The following CNOT8 variants were observed in gnomAD, a reference collection of about 807,000 sequenced individuals.
The protein encoded by CNOT8 is CCR4-NOT transcription complex subunit 8.
In CNOT8, 18 loss-of-function variants were observed where a neutral mutation model predicts 34.6. The observed-to-expected ratio is 0.52, with a 90% CI of 0.36 to 0.77. The LOEUF (loss-of-function observed/expected upper bound fraction) is 0.77, where lower values mean the gene tolerates loss of function less well. Ranked by LOEUF, CNOT8 falls within the 30% of genes least tolerant of loss-of-function variation. CNOT8 has a pLI of 0.00. For synonymous variants in CNOT8, 101 were observed against 118.8 expected (o/e 0.85, Z 0.98); for missense variants, 189 against 347.9 (o/e 0.54, Z 3.63).
At chr5:154,867,674 CT>C in intron 3 of CNOT8, 3 of 271,916 alleles carry the variant, frequency 1.1e-5, no homozygotes, top group South Asian at 2.9e-5. Flanking sequence ...CTTCAAAGAA[CT>C]TTTTTCCTTT....
Sources: gnomAD v4.1 joint callset for allele counts on GRCh38, gnomAD v4.1.1 for gene constraint, MANE v1.5 for transcripts, NCBI Gene and HGNC (gene_info 2026-07-23, HGNC 2026-07-21) for gene names.